KCNQ1: variants seen among roughly 807,000 people sequenced by gnomAD.
KCNQ1 encodes the protein potassium voltage-gated channel subfamily Q member 1, also known as potassium voltage-gated channel subfamily KQT member 1.
A neutral mutation model predicts 72.4 loss-of-function variants in KCNQ1; 49 were observed. The observed-to-expected ratio is 0.68, with a 90% CI of 0.54 to 0.86. The LOEUF (loss-of-function observed/expected upper bound fraction) is 0.86. Ranked by LOEUF, KCNQ1 falls within the 40% of genes least tolerant of loss-of-function variation. KCNQ1 has a pLI of 0.00. For synonymous variants in KCNQ1, 450 were observed against 412.6 expected (o/e 1.09, Z -1.10); for missense variants, 790 against 945.1 (o/e 0.84, Z 2.15).
intron 15 of KCNQ1, among the ~76,000 whole-genome samples, chr11:2,788,938 G>A (rs956307869): frequency 6.6e-6 from 1 of 152,188 alleles, no homozygotes; most frequent in Non-Finnish European, 1.5e-5. Context: ...GCTTGCAGGA[G>A]GCCCCTGGGG....
At chr11:2,574,686 C>T (rs1321348403) in intron 6 of KCNQ1, among the ~76,000 whole-genome samples, 1 of 152,208 alleles carries the variant, frequency 6.6e-6, no homozygotes, top group Non-Finnish European at 1.5e-5. Flanking sequence ...CCTCAACCGC[C>T]GCTTCCCCCA....
intron 10 of KCNQ1, chr11:2,609,387 C>G (rs1470003535): frequency 2.5e-6 from 1 of 398,360 alleles, no homozygotes; most frequent in Admixed American, 4.4e-5. Flanking sequence ...AAAAAGATAC[C>G]TTGTATTATT....
chr11:2,848,777 G>A lies in KCNQ1; in HGVS notation c.*774G>A. On this transcript the variant is annotated 3_prime_UTR_variant, in exon 16 of 16. Transcript: ENST00000155840. ...ACCCCTCGCCCAGTCCCAGCAGCCAGCCAAACACACAGAAGGGGACTGCCA... is the reference window on the plus strand; with the variant it reads ...ACCCCTCGCCCAGTCCCAGCAGCCAACCAAACACACAGAAGGGGACTGCCA... 2 of 454,128 alleles carry A rather than the reference G, an allele frequency of 4.4e-6. No individual in the cohort carries two copies. The highest frequency in any genetic ancestry group is 8.8e-6 in the Non-Finnish European group (2 of 226,784). The allele number at this position is 454,128 out of a possible 1,614,324, so 28.1% of individuals were successfully genotyped here.
intron 15 of KCNQ1, among the ~76,000 whole-genome samples, chr11:2,811,631 C>A (rs562101357): frequency 6.6e-6 from 1 of 152,198 alleles, no homozygotes; most frequent in Non-Finnish European, 1.5e-5. Flanking sequence ...TTCTGGGCTG[C>A]GGTCTAGGGC....
At chr11:2,548,608 G>A (rs1368613429) in intron 2 of KCNQ1, among the ~76,000 whole-genome samples, 1 of 152,236 alleles carries the variant, frequency 6.6e-6, no homozygotes, top group Non-Finnish European at 1.5e-5. Context: ...AGCCCGCCAA[G>A]CCCTTAGTGA....
At position 2,711,559 on chromosome 11, in the gene KCNQ1, A is replaced by G. The variant is rs1851007062; in HGVS notation, c.1514+49478A>G. Among the ~76,000 whole-genome samples the G allele has an allele frequency of 6.6e-6, 1 of 152,034 alleles. No homozygotes were observed. Among genetic ancestry groups the G allele is most frequent in the Non-Finnish European group, 1.5e-5 (1 of 67,994 alleles). Reference sequence around the variant, plus strand: ...CGCCTGCCCAGAACGGGGCTCTCGGAGGCCAGGGTGACTCCACTATCCCAC... The same window carrying G: ...CGCCTGCCCAGAACGGGGCTCTCGGGGGCCAGGGTGACTCCACTATCCCAC... On this transcript the variant is annotated intron_variant, in intron 11 of 15. Transcript: ENST00000155840. This position sits in a 1 kb window ranked among gnomAD's most constrained non-coding sequence, Gnocchi z 5.4.
intron 15 of KCNQ1, among the ~76,000 whole-genome samples, chr11:2,835,396 C>T (rs1848039605): frequency 1.0e-4 from 2 of 19,968 alleles, no homozygotes; most frequent in African/African-American, 2.2e-4. Context: ...TAAACCCTGA[C>T]TCACACACAC....
rs1589983613 is a variant in KCNQ1 at position 2,616,905 on chromosome 11, T to C, written c.1393+28051T>C. On this transcript the variant is annotated intron_variant, in intron 10 of 15. Transcript: ENST00000155840. Reference sequence around the variant, plus strand: ...TGTAGGTCTAGTTGGTTTATGGTATTGTTCAAGTCCTCTCTTTTCTTATTG... The same window carrying C: ...TGTAGGTCTAGTTGGTTTATGGTATCGTTCAAGTCCTCTCTTTTCTTATTG... 1.0e-5 allele frequency: 4 copies of C among 398,282 alleles called. No individual in the cohort carries two copies. In the East Asian group the frequency reaches 1.4e-4, roughly 14 times the overall value. The allele number at this position is 398,282 out of a possible 1,614,324, so 24.7% of individuals were successfully genotyped here. A position where few individuals can be genotyped will look rare whatever the true frequency, so the allele number is the denominator to read the frequency against.
Position 2,809,604 on chromosome 11 carries a change from T to C in KCNQ1, c.1794+31567T>C, listed in dbSNP as rs1847446864. On this transcript the variant is annotated intron_variant, in intron 15 of 15. Transcript: ENST00000155840. This position sits in a 1 kb window ranked among gnomAD's most constrained non-coding sequence, Gnocchi z 7.1. ...AGTTCTTCGTTTCCAGTTGGACTCA[T>C]CTCCTGACTGGTTGGGTTTCTGCCT... 6.6e-6 allele frequency among the ~76,000 whole-genome samples: 1 copy of C among 152,182 alleles called. No homozygotes were observed. The highest frequency in any genetic ancestry group is 2.4e-5 in the African/African-American group (1 of 41,434).
intron 10 of KCNQ1, chr11:2,634,990 G>A (rs1458936145): frequency 6.6e-6 from 1 of 152,194 alleles, no homozygotes; most frequent in African/African-American, 2.4e-5. Flanking sequence ...CTTTTGAGAA[G>A]TGTCTGTTCA....
At position 2,782,183 on chromosome 11, in the gene KCNQ1, T is replaced by C. The variant is rs1846834862; in HGVS notation, c.1794+4146T>C. Among the ~76,000 whole-genome samples the C allele has an allele frequency of 6.6e-6, 1 of 152,154 alleles. No individual in the cohort carries two copies. ...CCCAGAGCCGCCGTGCTGCTGTTCA[T>C]CCTCTCCCTTTAGCCCAACCCCTGC... On this transcript the variant is annotated intron_variant, in intron 15 of 15. Transcript: ENST00000155840. This position sits in a 1 kb window ranked among gnomAD's most constrained non-coding sequence, Gnocchi z 6.1.
intron 11 of KCNQ1, chr11:2,667,299 C>T (rs1850094528): frequency 2.5e-6 from 1 of 398,618 alleles, no homozygotes; most frequent in Admixed American, 4.4e-5. Flanking sequence ...GAGGGCCGCA[C>T]TGTCTAGGTG....
rs1847859282 is a variant in KCNQ1 at position 2,543,633 on chromosome 11, C to G, written c.477+15615C>G. On this transcript the variant is annotated intron_variant, in intron 2 of 15. Transcript: ENST00000155840. This position sits in a 1 kb window ranked among gnomAD's most constrained non-coding sequence, Gnocchi z 5.6. ...TTTATGAAGTCAAATATAGCTTTTT[C>G]CTTTTAAATATGTTTCATGCTTTTC... 6.6e-6 allele frequency among the ~76,000 whole-genome samples: 1 copy of G among 152,128 alleles called. No homozygotes were observed. Among genetic ancestry groups the G allele is most frequent in the South Asian group, 2.1e-4 (1 of 4,826 alleles).
chr11:2,512,115 G>A (rs1228886837), intron 1 of KCNQ1, among the ~76,000 whole-genome samples: 1 of 152,164 alleles, frequency 6.6e-6, no homozygotes, highest in African/African-American at 2.4e-5. Context: ...AAATGCCAGG[G>A]CTTCCCATGG....
intron 15 of KCNQ1, among the ~76,000 whole-genome samples, chr11:2,779,062 C>T (rs1027117996): frequency 6.6e-6 from 1 of 152,252 alleles, no homozygotes; most frequent in African/African-American, 2.4e-5. Flanking sequence ...TGCCTGGCCC[C>T]ATGGGGCTGT....
chr11:2,740,013 G>C (rs888726733), intron 11 of KCNQ1, among the ~76,000 whole-genome samples: 1 of 152,258 alleles, frequency 6.6e-6, no homozygotes, highest in Non-Finnish European at 1.5e-5. Context: ...GGAGCTGTGC[G>C]GAGCTGGCCG....
intron 15 of KCNQ1, among the ~76,000 whole-genome samples, chr11:2,805,793 G>C (rs148206820): frequency 9.9e-5 from 15 of 152,194 alleles, no homozygotes; most frequent in East Asian, 7.7e-4. Context: ...GGAAGTATGA[G>C]CCGGTTCCCT....
In KCNQ1 at chr11:2,627,205, A is replaced by G. The variant is rs1468146866; in HGVS notation, c.1394-34756A>G. 3 of 398,500 alleles carry G rather than the reference A, an allele frequency of 7.5e-6. No individual in the cohort carries two copies. Among genetic ancestry groups the G allele is most frequent in the African/African-American group, 4.1e-5 (2 of 48,720 alleles). The allele number at this position is 398,500 out of a possible 1,614,324, so 24.7% of individuals were successfully genotyped here. On this transcript the variant is annotated intron_variant, in intron 10 of 15. Transcript: ENST00000155840. The surrounding 1 kb of genome is among the most constrained non-coding windows in gnomAD (Gnocchi z 4.9). ...TTCAGCTTTTATTGAGGTATAATTGACAAATTAAAAGTGCATATATTTAAG... is the reference window on the plus strand; with the variant it reads ...TTCAGCTTTTATTGAGGTATAATTGGCAAATTAAAAGTGCATATATTTAAG...
At chr11:2,638,354 T>C (rs1165670584) in intron 10 of KCNQ1, 2 of 152,348 alleles carry the variant, frequency 1.3e-5, no homozygotes, top group East Asian at 1.9e-4. Flanking sequence ...TCAGGAGCTC[T>C]TGTAGGGCAG....
Sources: gnomAD v4.1 joint callset for allele counts (sites outside exome capture counted in the v4.1 genomes callset) on GRCh38, gnomAD v4.1.1 for gene constraint, Gnocchi (gnomAD v3.1) non-coding constraint, MANE v1.5 for transcripts, NCBI Gene and HGNC (gene_info 2026-07-23, HGNC 2026-07-21) for gene names.